The following NHLRC2 variants were observed in gnomAD, a reference collection of about 807,000 sequenced individuals.
The protein encoded by NHLRC2 is NHL repeat-containing protein 2.
Under a neutral mutation model 68.1 loss-of-function variants are expected in NHLRC2, and 33 were observed. The ratio of observed to expected loss-of-function variants is 0.48; its 90% CI spans 0.37 to 0.65. NHLRC2 has a LOEUF of 0.65. NHLRC2 is among the 30% of genes least tolerant of loss of function. NHLRC2 has a pLI of 0.00. For missense variants in NHLRC2, 761 were observed against 853.8 expected (o/e 0.89, Z 1.35); for synonymous variants, 311 against 309.6 (o/e 1.00, Z -0.05).
chr10:113,912,019 C>G lies in NHLRC2; in HGVS notation c.*3483C>G, dbSNP rs1321832282. The stretch of plus-strand genomic sequence containing the variant: ...AAAAGTCATTTTTATTACCAGAGCT[C>G]AGAACATTGTTTGGAGTCCTTTGAT... On this transcript the variant is annotated 3_prime_UTR_variant, in exon 11 of 11. Transcript: ENST00000369301. 6.6e-6 allele frequency: 1 copy of G among 152,092 alleles called. No homozygotes were observed. Among genetic ancestry groups the G allele is most frequent in the African/African-American group, 2.4e-5 (1 of 41,420 alleles). 9.4% of individuals were successfully genotyped at this position (152,092 alleles called of 1,614,324 possible). A position where few individuals can be genotyped will look rare whatever the true frequency, so the allele number is the denominator to read the frequency against.
chr10:113,873,159 C>G (rs909569234), intron 2 of NHLRC2, among the ~76,000 whole-genome samples: 1 of 152,000 alleles, frequency 6.6e-6, no homozygotes, highest in Non-Finnish European at 1.5e-5. Flanking sequence ...AACCATAAAC[C>G]AAAGAGATTA....
intron 6 of NHLRC2, among the ~76,000 whole-genome samples, chr10:113,899,735 G>A (rs917185986): frequency 6.6e-6 from 1 of 152,096 alleles, no homozygotes; most frequent in African/African-American, 2.4e-5. Context: ...ATGACAATAT[G>A]GTGAAACCCC....
intron 2 of NHLRC2, 37 bp from the exon 3 acceptor site, chr10:113,876,479 TAAATA>T: frequency 1.7e-6 from 2 of 1,171,964 alleles, no homozygotes; most frequent in Non-Finnish European, 2.4e-6. Flanking sequence ...TATTCAAACT[TAAATA>T]TTTAATAATG....
In NHLRC2 at chr10:113,915,117, C is replaced by G; in HGVS notation, c.*6581C>G. On this transcript the variant is annotated 3_prime_UTR_variant, in exon 11 of 11. Coordinates refer to ENST00000369301, the MANE Select transcript of NHLRC2 (RefSeq NM_198514.4). ...GGAAAGTGAAAACCCTAGACACTTG[C>G]TGTGGAATGTTTGCCTGGTTGTATT... 1 of 456,286 alleles carries G rather than the reference C, an allele frequency of 2.2e-6. No individual in the cohort carries two copies. Among genetic ancestry groups the G allele is most frequent in the Non-Finnish European group, 4.4e-6 (1 of 226,968 alleles). 28.3% of individuals were successfully genotyped at this position (456,286 alleles called of 1,614,324 possible).
Position 113,912,431 on chromosome 10 carries a change from A to G in NHLRC2, c.*3895A>G, listed in dbSNP as rs925075437. The G allele has an allele frequency of 1.3e-5, 2 of 152,206 alleles. No homozygotes were observed. Among genetic ancestry groups the G allele is most frequent in the Admixed American group, 6.5e-5 (1 of 15,280 alleles). The allele number at this position is 152,206 out of a possible 1,614,324, so 9.4% of individuals were successfully genotyped here. Reference sequence around the variant, plus strand: ...ATGTTTTATAATGAAGCATATAACTATTTTATAAACAACATTGTAGTTATA... The same window carrying G: ...ATGTTTTATAATGAAGCATATAACTGTTTTATAAACAACATTGTAGTTATA... On this transcript the variant is annotated 3_prime_UTR_variant, in exon 11 of 11. Transcript: ENST00000369301.
intron 5 of NHLRC2, among the ~76,000 whole-genome samples, chr10:113,891,053 C>T (rs896738478): frequency 1.2e-4 from 18 of 152,202 alleles, no homozygotes; most frequent in Non-Finnish European, 2.5e-4. Context: ...CAATCACTTT[C>T]CACCAGGTCC....
At chr10:113,905,717 C>T (rs995471001) in intron 10 of NHLRC2, among the ~76,000 whole-genome samples, 1 of 152,128 alleles carries the variant, frequency 6.6e-6, no homozygotes, top group East Asian at 1.9e-4. Context: ...TCCTTCATAC[C>T]CTCTCACACA....
At chr10:113,891,466 CTTATG>C (rs1191356639) in intron 5 of NHLRC2, among the ~76,000 whole-genome samples, 1 of 152,142 alleles carries the variant, frequency 6.6e-6, no homozygotes, top group African/African-American at 2.4e-5. Flanking sequence ...ATAAATAGTA[CTTATG>C]TTATAATTAT....
intron 2 of NHLRC2, among the ~76,000 whole-genome samples, chr10:113,872,432 G>A (rs1020392850): frequency 2.0e-5 from 3 of 151,922 alleles, no homozygotes; most frequent in African/African-American, 7.2e-5. Flanking sequence ...AAAAACTACT[G>A]CAAAAGAAGC....
At chr10:113,900,453 T>C (rs1846217673) in intron 6 of NHLRC2, among the ~76,000 whole-genome samples, 1 of 152,198 alleles carries the variant, frequency 6.6e-6, no homozygotes, top group Admixed American at 6.5e-5. Flanking sequence ...AATTTCCTCA[T>C]AAGTAGAGTT....
chr10:113,863,001 A>G (rs1161089408), intron 2 of NHLRC2, among the ~76,000 whole-genome samples: 4 of 152,338 alleles, frequency 2.6e-5, no homozygotes, highest in Non-Finnish European at 5.9e-5. Flanking sequence ...TACATAGATG[A>G]TATGATTATA....
chr10:113,876,576 G>A lies in NHLRC2; in HGVS notation c.387G>A (p.Leu129=), dbSNP rs1845982416. 3.1e-6 allele frequency: 5 copies of A among 1,612,594 alleles called. No homozygotes were observed. Among genetic ancestry groups the A allele is most frequent in the African/African-American group, 1.3e-5 (1 of 74,918 alleles). Residue 129 remains leucine, a synonymous_variant, in exon 3 of 11, where the codon CTG becomes CTA. Transcript: ENST00000369301. ...CTAAGTTTCCAAATGAAAAAGTCCT[G>A]GATAACATTAAGAGTGCTGTTCTTC... The part of the protein sequence containing the change: ...HSAKFPNEKV[L]DNIKSAVLRY...
intron 2 of NHLRC2, among the ~76,000 whole-genome samples, chr10:113,860,959 A>G (rs1845811350): frequency 6.6e-6 from 1 of 152,254 alleles, no homozygotes; most frequent in Non-Finnish European, 1.5e-5. Flanking sequence ...GATACTCAGT[A>G]GAAATCATAA....
intron 1 of NHLRC2, among the ~76,000 whole-genome samples, chr10:113,855,434 T>A (rs1362592078): frequency 6.6e-6 from 1 of 152,188 alleles, no homozygotes; most frequent in East Asian, 1.9e-4. Flanking sequence ...TCTTGACATT[T>A]ATTGATCACT....
In NHLRC2 at chr10:113,911,471, C is replaced by T. The variant is rs1419382617; in HGVS notation, c.*2935C>T. The stretch of plus-strand genomic sequence containing the variant: ...ACCTTCAGAAAGTTATAAATCCTAA[C>T]AGCCAGAAAAAAAAATTTACTATGT... On this transcript the variant is annotated 3_prime_UTR_variant, in exon 11 of 11. Transcript: ENST00000369301. The T allele has an allele frequency of 6.6e-6, 1 of 151,770 alleles. No individual in the cohort carries two copies. Among genetic ancestry groups the T allele is most frequent in the Admixed American group, 6.6e-5 (1 of 15,250 alleles). The allele number at this position is 151,770 out of a possible 1,614,324, so 9.4% of individuals were successfully genotyped here. A position where few individuals can be genotyped will look rare whatever the true frequency, so the allele number is the denominator to read the frequency against.
Position 113,860,152 on chromosome 10 carries a change from AGTTT to A in NHLRC2, c.331+1477_331+1480del, listed in dbSNP as rs1056937867. On this transcript the variant is annotated intron_variant, in intron 2 of 10. Transcript: ENST00000369301. Reference sequence around the variant, plus strand: ...CCTTCTGTGAGGATACAGAGATTGAAGTTTGTTTTTGATTTGTTTTTTTAGTAGA... The same window carrying A: ...CCTTCTGTGAGGATACAGAGATTGAAGTTTTTGATTTGTTTTTTTAGTAGA... Among the ~76,000 whole-genome samples, 124 of 152,252 alleles carry A rather than the reference AGTTT, an allele frequency of 8.1e-4. 1 individual carries two copies. Among genetic ancestry groups the A allele is most frequent in the African/African-American group, 2.7e-3 (112 of 41,552 alleles).
intron 4 of NHLRC2, among the ~76,000 whole-genome samples, chr10:113,883,048 T>G (rs1368134035): frequency 6.6e-6 from 1 of 151,820 alleles, no homozygotes; most frequent in Non-Finnish European, 1.5e-5. Context: ...GCCAGTACCT[T>G]ACTGTTTTGA....
intron 10 of NHLRC2, among the ~76,000 whole-genome samples, chr10:113,907,750 A>C (rs951446227): frequency 1.3e-5 from 2 of 152,186 alleles, no homozygotes; most frequent in Non-Finnish European, 2.9e-5. Context: ...GTTTCTAAAT[A>C]AAGTGTGTGT....
intron 2 of NHLRC2, among the ~76,000 whole-genome samples, chr10:113,863,534 G>A (rs982321645): frequency 2.6e-5 from 4 of 152,084 alleles, no homozygotes; most frequent in Non-Finnish European, 5.9e-5. Flanking sequence ...AATCTAAGGT[G>A]TAATATCTTA....
Sources: gnomAD v4.1 joint callset for allele counts (sites outside exome capture counted in the v4.1 genomes callset) on GRCh38, gnomAD v4.1.1 for gene constraint, MANE v1.5 for transcripts, NCBI Gene and HGNC (gene_info 2026-07-23, HGNC 2026-07-21) for gene names.